The following CCSER1 variants were observed in gnomAD, a reference collection of about 807,000 sequenced individuals.
The protein encoded by CCSER1 is serine-rich coiled-coil domain-containing protein 1.
A neutral mutation model predicts 82.0 loss-of-function variants in CCSER1; 41 were observed. The ratio of observed to expected loss-of-function variants is 0.50; its 90% CI spans 0.39 to 0.65. CCSER1 has a LOEUF of 0.65. Among genes scored for constraint, CCSER1 ranks in the 30% least tolerant of loss-of-function variants. The probability of loss-of-function intolerance (pLI) is 0.00; values close to 1 mark genes in which losing one functional copy is unlikely to be tolerated. For missense variants in CCSER1, 1,119 were observed against 1,064.2 expected, an observed-to-expected ratio of 1.05 and a Z score of -0.72; for synonymous variants, 414 against 383.9, an observed-to-expected ratio of 1.08 and a Z score of -0.92.
intron 1 of CCSER1, among the ~76,000 whole-genome samples, chr4:90,161,549 ATC>A (rs1234038125): frequency 2.6e-5 from 4 of 152,026 alleles, no homozygotes; most frequent in African/African-American, 9.7e-5. Flanking sequence ...TCTATCTCAG[ATC>A]TCTTTTTTTA....
intron 10 of CCSER1, among the ~76,000 whole-genome samples, chr4:91,114,769 A>T (rs1726402710): frequency 6.6e-6 from 1 of 152,184 alleles, no homozygotes; most frequent in Non-Finnish European, 1.5e-5. Flanking sequence ...CATCAGACTA[A>T]CCTTTCTGCC....
chr4:91,570,486 G>T (rs945793041), intron 10 of CCSER1, among the ~76,000 whole-genome samples: 1 of 152,290 alleles, frequency 6.6e-6, no homozygotes, highest in Non-Finnish European at 1.5e-5. Flanking sequence ...TGAAATCTAG[G>T]TGGAGGTTCC....
chr4:90,498,377 C>T (rs1462270830), intron 5 of CCSER1, among the ~76,000 whole-genome samples: 1 of 152,100 alleles, frequency 6.6e-6, no homozygotes, highest in Non-Finnish European at 1.5e-5. Context: ...CTGCGCAGAA[C>T]TGAAACTGCA....
intron 10 of CCSER1, among the ~76,000 whole-genome samples, chr4:91,562,564 T>C (rs543809697): frequency 6.6e-6 from 1 of 151,626 alleles, no homozygotes; most frequent in Admixed American, 6.6e-5. Flanking sequence ...CAAGACCTAC[T>C]GATTCAGAAC....
At chr4:90,276,234 CTTTCTTTCTTTCTTTCT>C (rs1727602949) in intron 1 of CCSER1, among the ~76,000 whole-genome samples, 2 of 109,118 alleles carry the variant, frequency 1.8e-5, no homozygotes, top group African/African-American at 3.7e-5. Context: ...TTCTTTCTTT[CTTTCTTTCTTTCTTTCT>C]TTCCTTCCTT....
intron 5 of CCSER1, among the ~76,000 whole-genome samples, chr4:90,604,336 G>C (rs1385314698): frequency 6.6e-6 from 1 of 152,058 alleles, no homozygotes; most frequent in Admixed American, 6.5e-5. Context: ...GTGTACCGGA[G>C]AGAATACAGA....
chr4:90,855,252 C>T (rs1369588866), intron 8 of CCSER1, among the ~76,000 whole-genome samples: 1 of 152,108 alleles, frequency 6.6e-6, no homozygotes, highest in African/African-American at 2.4e-5. Flanking sequence ...CTGAAGATCT[C>T]ATACCACCAC....
chr4:91,523,228 T>C (rs1394888699), intron 10 of CCSER1, among the ~76,000 whole-genome samples: 1 of 152,218 alleles, frequency 6.6e-6, no homozygotes, highest in Non-Finnish European at 1.5e-5. Flanking sequence ...TGAAGCTGAC[T>C]TGATCATGGT....
At chr4:90,942,429 T>G (rs1181779749) in intron 9 of CCSER1, among the ~76,000 whole-genome samples, 1 of 152,224 alleles carries the variant, frequency 6.6e-6, no homozygotes, top group Admixed American at 6.5e-5. Context: ...CTCTCTTGTG[T>G]GAAGCCTTTT....
chr4:91,127,382 A>G (rs1185243010), intron 10 of CCSER1, among the ~76,000 whole-genome samples: 4 of 152,028 alleles, frequency 2.6e-5, no homozygotes, highest in African/African-American at 9.7e-5. Context: ...GTGCCAAATA[A>G]TCACCTCCCC....
Position 91,496,696 on chromosome 4 carries a change from CAA to C in CCSER1, c.2218-101875_2218-101874del, listed in dbSNP as rs1491206172. 1.1e-3 allele frequency among the ~76,000 whole-genome samples: 16 copies of C among 15,058 alleles called. 5 individuals are homozygous for C. In the South Asian group the frequency reaches 0.011, roughly 10 times the overall value. The allele number at this position is 15,058 out of a possible 152,430, so 9.9% of individuals were successfully genotyped here. A position where few individuals can be genotyped will look rare whatever the true frequency, so the allele number is the denominator to read the frequency against. ...CAATATATTTGAATATATATATATT[CAA>C]TATATATATATATTCAATATATAGA... On this transcript the variant is annotated intron_variant, in intron 10 of 10. Transcript: ENST00000509176.
At chr4:90,171,797 A>C (rs539308306) in intron 1 of CCSER1, among the ~76,000 whole-genome samples, 1 of 152,036 alleles carries the variant, frequency 6.6e-6, no homozygotes, top group East Asian at 1.9e-4. Context: ...ACTTAAAAAG[A>C]AATCAGCCTG....
chr4:91,552,028 A>G (rs1014174194), intron 10 of CCSER1, among the ~76,000 whole-genome samples: 20 of 151,784 alleles, frequency 1.3e-4, no homozygotes. Flanking sequence ...CAAAATTAGT[A>G]TTGTCTTTTC....
intron 9 of CCSER1, among the ~76,000 whole-genome samples, chr4:91,035,762 G>A (rs1204158600): frequency 1.3e-5 from 2 of 152,126 alleles, no homozygotes; most frequent in African/African-American, 2.4e-5. Context: ...GCTGAGAAGC[G>A]ATCCAACTCA....
intron 10 of CCSER1, among the ~76,000 whole-genome samples, chr4:91,406,329 C>T (rs1239672490): frequency 6.6e-6 from 1 of 152,156 alleles, no homozygotes; most frequent in East Asian, 1.9e-4. Flanking sequence ...ACAGCAGGGT[C>T]TCTTTTACTC....
chr4:90,302,106 T>C (rs1733252514), intron 1 of CCSER1, among the ~76,000 whole-genome samples: 1 of 152,170 alleles, frequency 6.6e-6, no homozygotes, highest in East Asian at 1.9e-4. Flanking sequence ...AAAATATATT[T>C]ATGTAGGTTT....
intron 10 of CCSER1, among the ~76,000 whole-genome samples, chr4:91,561,075 C>T (rs1290049977): frequency 6.6e-6 from 1 of 151,358 alleles, no homozygotes; most frequent in East Asian, 1.9e-4. Context: ...CATCTCTCTC[C>T]TAACCTATAA....
chr4:90,900,094 G>GTTTTTTTTTTTTTTTTTTTTTTTTTTT (rs70963096), intron 8 of CCSER1, among the ~76,000 whole-genome samples: 20 of 102,150 alleles, frequency 2.0e-4, no homozygotes, highest in Non-Finnish European at 4.0e-4. Context: ...TGGTCCCAGA[G>GTTTTTTTTTTTTTTTTTTTTTTTTTTT]TTTTTTTTTT....
At chr4:91,566,237 A>G (rs1393502774) in intron 10 of CCSER1, among the ~76,000 whole-genome samples, 1 of 152,150 alleles carries the variant, frequency 6.6e-6, no homozygotes, top group Non-Finnish European at 1.5e-5. Context: ...CCAGGGATGA[A>G]GCCAACTTGT....
Sources: allele counts gnomAD v4.1 joint callset (sites outside exome capture counted in the v4.1 genomes callset), GRCh38; gene constraint gnomAD v4.1.1; transcripts MANE v1.5; gene names NCBI Gene and HGNC (gene_info 2026-07-23, HGNC 2026-07-21).